MAST4: variants seen among roughly 807,000 people sequenced by gnomAD.
MAST4 encodes microtubule-associated serine/threonine-protein kinase 4.
MAST4 carries 89 observed loss-of-function variants against 162.7 expected under a neutral mutation model. The ratio of observed to expected loss-of-function variants is 0.55; its 90% CI spans 0.46 to 0.65. MAST4 has a LOEUF of 0.65. Among genes scored for constraint, MAST4 ranks in the 30% least tolerant of loss-of-function variants. The probability of loss-of-function intolerance (pLI) is 0.00; values close to 1 mark genes in which losing one functional copy is unlikely to be tolerated. For synonymous variants in MAST4, 1,479 were observed against 1,361.1 expected (o/e 1.09, Z -1.91); for missense variants, 3,153 against 3,374.0 (o/e 0.93, Z 1.62).
At chr5:66,961,856 T>C (rs1196524973) in intron 4 of MAST4, among the ~76,000 whole-genome samples, 1 of 152,176 alleles carries the variant, frequency 6.6e-6, no homozygotes, top group Non-Finnish European at 1.5e-5. Flanking sequence ...GAGTACAGCA[T>C]GTTTAAGAGC....
At chr5:66,822,401 G>A (rs1398727608) in intron 3 of MAST4, among the ~76,000 whole-genome samples, 2 of 152,184 alleles carry the variant, frequency 1.3e-5, no homozygotes, top group African/African-American at 2.4e-5. Context: ...AAGTTAGCAG[G>A]GATGTGTATT....
intron 4 of MAST4, among the ~76,000 whole-genome samples, chr5:67,052,312 A>G (rs1026329907): frequency 6.6e-6 from 1 of 152,146 alleles, no homozygotes; most frequent in African/African-American, 2.4e-5. Context: ...TATTGACCAA[A>G]CAAGTATATT....
chr5:66,602,981 T>C (rs1006738815), intron 1 of MAST4, among the ~76,000 whole-genome samples: 2 of 152,172 alleles, frequency 1.3e-5, no homozygotes, highest in African/African-American at 2.4e-5. Flanking sequence ...TGGTGTGTGG[T>C]GCTTAGTAAG....
intron 4 of MAST4, among the ~76,000 whole-genome samples, chr5:66,950,757 A>G (rs889018725): frequency 1.3e-5 from 2 of 152,174 alleles, no homozygotes; most frequent in East Asian, 3.8e-4. Flanking sequence ...ATGGGTATAT[A>G]CATATCTGAG....
chr5:67,029,356 A>G (rs886485215), intron 4 of MAST4, among the ~76,000 whole-genome samples: 10 of 152,152 alleles, frequency 6.6e-5, no homozygotes, highest in African/African-American at 2.4e-4. Flanking sequence ...CAAGCCATAG[A>G]GCCATCCTTA....
intron 4 of MAST4, among the ~76,000 whole-genome samples, chr5:66,968,006 C>G (rs1056549898): frequency 9.9e-5 from 15 of 152,218 alleles, no homozygotes; most frequent in African/African-American, 3.6e-4. Flanking sequence ...CGTGCCAGCT[C>G]CTAATCTGGA....
At chr5:67,151,490 C>T (rs1231765171) in intron 24 of MAST4, among the ~76,000 whole-genome samples, 2 of 152,182 alleles carry the variant, frequency 1.3e-5, no homozygotes, top group Non-Finnish European at 2.9e-5. Context: ...TAGTTTTCAA[C>T]ATAGGAATTT....
At chr5:66,778,113 A>G (rs1387874180) in intron 2 of MAST4, among the ~76,000 whole-genome samples, 3 of 152,322 alleles carry the variant, frequency 2.0e-5, no homozygotes, top group African/African-American at 7.2e-5. Context: ...TCACGCAGGC[A>G]TTCATTCATT....
At chr5:67,102,430 C>T (rs928950892) in intron 8 of MAST4, 106 bp from the exon 9 acceptor site, 4 of 993,356 alleles carry the variant, frequency 4.0e-6, no homozygotes, top group Non-Finnish European at 6.5e-6. Context: ...ACTTTTCTTA[C>T]AAAGGTTGCA....
chr5:66,944,403 G>A (rs1361879171), intron 4 of MAST4, among the ~76,000 whole-genome samples: 1 of 152,064 alleles, frequency 6.6e-6, no homozygotes, highest in Non-Finnish European at 1.5e-5. Flanking sequence ...AATTAAAAAT[G>A]TTATTAAATT....
At chr5:66,789,889 G>T (rs1044141221) in intron 3 of MAST4, 3 of 428,680 alleles carry the variant, frequency 7.0e-6, no homozygotes, top group East Asian at 1.4e-4. Flanking sequence ...TCCAACTTCA[G>T]CACTCTCCAT....
chr5:66,985,719 G>A (rs1010921297), intron 4 of MAST4, among the ~76,000 whole-genome samples: 2 of 152,174 alleles, frequency 1.3e-5, no homozygotes, highest in Middle Eastern at 3.2e-3. Flanking sequence ...GGTGTATGGG[G>A]TGGGAAAGGG....
chr5:67,012,077 C>T (rs1561531199), intron 4 of MAST4, among the ~76,000 whole-genome samples: 1 of 152,080 alleles, frequency 6.6e-6, no homozygotes, highest in Non-Finnish European at 1.5e-5. Context: ...TTGATAAGTG[C>T]ACAGTGATGG....
chr5:66,986,694 C>T (rs1749550180), intron 4 of MAST4, among the ~76,000 whole-genome samples: 1 of 151,452 alleles, frequency 6.6e-6, no homozygotes, highest in African/African-American at 2.4e-5. Flanking sequence ...GATCATAGCT[C>T]ACTGCAGCCT....
At chr5:67,036,949 C>T (rs1179888308) in intron 4 of MAST4, among the ~76,000 whole-genome samples, 2 of 151,942 alleles carry the variant, frequency 1.3e-5, no homozygotes, top group African/African-American at 4.8e-5. Flanking sequence ...ATCATTTGTC[C>T]CTCACTGTCT....
chr5:67,103,376 G>A (rs1484510124), intron 9 of MAST4, among the ~76,000 whole-genome samples: 2 of 152,224 alleles, frequency 1.3e-5, no homozygotes, highest in East Asian at 3.8e-4. Context: ...CAAGAGTAGA[G>A]TACTTATTAT....
At chr5:66,773,969 TAAG>T (rs1322998056) in intron 2 of MAST4, among the ~76,000 whole-genome samples, 2 of 152,358 alleles carry the variant, frequency 1.3e-5, no homozygotes, top group African/African-American at 4.8e-5. Flanking sequence ...CAGTCTGTGT[TAAG>T]AAGAGGCATG....
chr5:67,087,100 A>G (rs1763323146), intron 5 of MAST4, among the ~76,000 whole-genome samples: 1 of 151,742 alleles, frequency 6.6e-6, no homozygotes, highest in African/African-American at 2.4e-5. Context: ...TGTAATAAGT[A>G]ACACAGAAGT....
chr5:66,824,058 A>T (rs551452904), intron 3 of MAST4, among the ~76,000 whole-genome samples: 1 of 152,294 alleles, frequency 6.6e-6, no homozygotes, highest in African/African-American at 2.4e-5. Flanking sequence ...ATGAATGGAG[A>T]TATTCATCCA....
Sources: gnomAD v4.1 joint callset for allele counts (sites outside exome capture counted in the v4.1 genomes callset) on GRCh38, gnomAD v4.1.1 for gene constraint, MANE v1.5 for transcripts, NCBI Gene and HGNC (gene_info 2026-07-23, HGNC 2026-07-21) for gene names.